TCF4: variants seen among roughly 807,000 people sequenced by gnomAD.
TCF4 encodes the protein transcription factor 4.
A neutral mutation model predicts 82.1 loss-of-function variants in TCF4; 3 were observed. The ratio of observed to expected loss-of-function variants is 0.04; its 90% confidence interval spans 0.02 to 0.09. The LOEUF is 0.09. TCF4 is among the 10% of genes least tolerant of loss of function. The pLI is 1.00. For missense variants in TCF4, 518 were observed against 852.7 expected (o/e 0.61, Z 4.89); for synonymous variants, 276 against 309.6 (o/e 0.89, Z 1.14).
intron 6 of TCF4, among the ~76,000 whole-genome samples, chr18:55,378,658 C>A (rs1213166577): frequency 6.6e-6 from 1 of 152,206 alleles, no homozygotes; most frequent in Non-Finnish European, 1.5e-5. Context: ...TGACTTTGGT[C>A]TCCATATAGT....
At chr18:55,584,573 A>G (rs1488859150) in intron 3 of TCF4, among the ~76,000 whole-genome samples, 1 of 152,184 alleles carries the variant, frequency 6.6e-6, no homozygotes, top group African/African-American at 2.4e-5. Context: ...CCAGATAATC[A>G]CTGTGCACAC....
At chr18:55,454,473 T>C (rs2095694866) in intron 5 of TCF4, among the ~76,000 whole-genome samples, 2 of 152,220 alleles carry the variant, frequency 1.3e-5, no homozygotes, top group Non-Finnish European at 2.9e-5. Context: ...CTACAACCTC[T>C]ATGCTAAATA....
chr18:55,409,566 T>C (rs937415614), intron 5 of TCF4, among the ~76,000 whole-genome samples: 1 of 152,068 alleles, frequency 6.6e-6, no homozygotes, highest in African/African-American at 2.4e-5. Flanking sequence ...CCCGTCCCCA[T>C]CTTTTTTGTG....
chr18:55,559,029 A>G (rs2097331125), intron 3 of TCF4, among the ~76,000 whole-genome samples: 1 of 145,694 alleles, frequency 6.9e-6, no homozygotes, highest in Non-Finnish European at 1.5e-5. Flanking sequence ...TGGTTTGTAT[A>G]TATCTCCCCC....
chr18:55,610,182 G>A (rs1157354478), intron 2 of TCF4, among the ~76,000 whole-genome samples: 3 of 152,124 alleles, frequency 2.0e-5, no homozygotes, highest in African/African-American at 4.8e-5. Flanking sequence ...CCTGACAAAC[G>A]TGTTTGTAAA....
intron 8 of TCF4, among the ~76,000 whole-genome samples, chr18:55,327,077 T>G (rs1602785665): frequency 6.6e-6 from 1 of 152,230 alleles, no homozygotes; most frequent in East Asian, 1.9e-4. Context: ...CCAACAAACC[T>G]CTTACGTGTA....
At chr18:55,632,513 TA>T (rs1414132319) in intron 1 of TCF4, among the ~76,000 whole-genome samples, 1 of 152,100 alleles carries the variant, frequency 6.6e-6, no homozygotes, top group Admixed American at 6.5e-5. Context: ...CACCAAGTCT[TA>T]GGTAGGATGA....
rs138706425 is a variant in TCF4, at chr18:55,271,429, G to A, written c.790-1466C>T. On this transcript the variant is annotated intron_variant, in intron 10 of 19. Transcript: ENST00000354452. ...GTTATCAGTCAGAATTTAATAAACA[G>A]TGGATTGAAGTATAACTTATTTGAG... 5.3e-4 allele frequency among the ~76,000 whole-genome samples: 81 copies of A among 152,230 alleles called. No homozygotes were observed. The East Asian group carries it at 0.01, about 19-fold the overall frequency.
chr18:55,320,858 C>T (rs1482133807), intron 8 of TCF4: 1 of 152,442 alleles, frequency 6.6e-6, no homozygotes, highest in Non-Finnish European at 1.5e-5. Context: ...AATCCTTTTC[C>T]TTCAGTGGGC....
At chr18:55,350,789 TG>T (rs1013343103) in intron 7 of TCF4, 84 bp downstream of exon 7, 4 of 1,547,158 alleles carry the variant, frequency 2.6e-6, no homozygotes, top group Non-Finnish European at 3.5e-6. Flanking sequence ...GGAGGTAGGA[TG>T]GGGGGGCGAT....
At chr18:55,254,758 T>C (rs1000747079) in intron 14 of TCF4, 58 bp from the exon 15 acceptor site, 31 of 1,509,426 alleles carry the variant, frequency 2.1e-5, no homozygotes, top group Middle Eastern at 2.2e-4. Flanking sequence ...GCCTAAATTA[T>C]ACAAGTAAAA....
intron 5 of TCF4, among the ~76,000 whole-genome samples, chr18:55,427,490 C>T (rs550661586): frequency 4.6e-4 from 70 of 152,284 alleles, no homozygotes; most frequent in South Asian, 4.6e-3. Context: ...AGAGTCAAAC[C>T]GCCTGGGTTT....
chr18:55,243,898 G>A (rs188447154), intron 15 of TCF4, among the ~76,000 whole-genome samples: 21 of 152,238 alleles, frequency 1.4e-4, no homozygotes, highest in Non-Finnish European at 2.8e-4. Flanking sequence ...TCTATTTAAT[G>A]GAGAAAGACT....
At chr18:55,415,520 T>C (rs1049234631) in intron 5 of TCF4, among the ~76,000 whole-genome samples, 12 of 152,192 alleles carry the variant, frequency 7.9e-5, no homozygotes, top group Non-Finnish European at 1.6e-4. Context: ...CCCAAACTTA[T>C]TTAGTACTAA....
At chr18:55,528,946 G>A (rs1476618349) in intron 3 of TCF4, among the ~76,000 whole-genome samples, 1 of 152,182 alleles carries the variant, frequency 6.6e-6, no homozygotes, top group Non-Finnish European at 1.5e-5. Flanking sequence ...GGGAGGCCAA[G>A]GTGCGTGGGT....
chr18:55,509,296 G>T (rs938621009), intron 3 of TCF4, among the ~76,000 whole-genome samples: 6 of 151,776 alleles, frequency 4.0e-5, no homozygotes, highest in African/African-American at 1.5e-4. Flanking sequence ...CTACCTAAAA[G>T]CAAGTAGGTA....
At chr18:55,309,897 G>A (rs1437910195) in intron 8 of TCF4, among the ~76,000 whole-genome samples, 1 of 152,018 alleles carries the variant, frequency 6.6e-6, no homozygotes, top group Non-Finnish European at 1.5e-5. Context: ...TTCACTTACA[G>A]GAAATTCATG....
intron 2 of TCF4, among the ~76,000 whole-genome samples, chr18:55,626,450 G>T (rs1485345806): frequency 2.0e-5 from 3 of 152,160 alleles, no homozygotes; most frequent in African/African-American, 7.2e-5. Context: ...TTAAAAAGTT[G>T]AGGACATCAC....
intron 5 of TCF4, among the ~76,000 whole-genome samples, chr18:55,454,968 C>A (rs959258828): frequency 8.6e-5 from 13 of 152,036 alleles, no homozygotes; most frequent in African/African-American, 3.1e-4. Flanking sequence ...AGGCAGATCA[C>A]TTCAGGTCAG....
Sources: gnomAD v4.1 joint callset for allele counts (sites outside exome capture counted in the v4.1 genomes callset) on GRCh38, gnomAD v4.1.1 for gene constraint, MANE v1.5 for transcripts, NCBI Gene and HGNC (gene_info 2026-07-23, HGNC 2026-07-21) for gene names.